The following GLIPR2 variants were observed in gnomAD, a reference collection of about 807,000 sequenced individuals.
The protein encoded by GLIPR2 is Golgi-associated plant pathogenesis-related protein 1.
A neutral mutation model predicts 20.4 loss-of-function variants in GLIPR2; 21 were observed. That is an observed-to-expected ratio of 1.03 (90% CI 0.73 to 1.48). The LOEUF (loss-of-function observed/expected upper bound fraction) is 1.48, where lower values mean the gene tolerates loss of function less well. GLIPR2 is among the 40% of genes most tolerant of loss of function. The pLI is 0.00. For synonymous variants in GLIPR2, 91 were observed against 80.5 expected, an observed-to-expected ratio of 1.13 and a Z score of -0.70; for missense variants, 205 against 200.1, an observed-to-expected ratio of 1.02 and a Z score of -0.15.
chr9:36,146,161 T>TGGCATC (rs1427890953), intron 1 of GLIPR2: 1 of 152,650 alleles, frequency 6.6e-6, no homozygotes, highest in Non-Finnish European at 1.5e-5. Context: ...AGCATGGCAT[T>TGGCATC]GGCATCTGGC....
Position 36,150,875 on chromosome 9 carries a change from A to G in GLIPR2, c.230A>G (p.Lys77Arg). 6.2e-7 allele frequency: 1 copy of G among 1,611,578 alleles called. No individual in the cohort carries two copies. The highest frequency in any genetic ancestry group is 8.5e-7 in the Non-Finnish European group (1 of 1,177,920). Reference protein sequence around the residue: ...LAWASYDQTGKEVADRWYSEI... With the variant: ...LAWASYDQTGREVADRWYSEI... ...GAACAATGTCATTTCCACACAGGAA[A>G]GGAGGTGGCTGATAGATGGTACAGT... is the stretch of plus-strand genomic sequence containing the variant. The change falls in exon 4 of 5, where the codon AAG (lysine) becomes AGG (arginine). Residue 77 changes from lysine to arginine, a missense_variant. Physicochemically the swap from Lys to Arg is conservative, Grantham distance 26 (BLOSUM62 2). Transcript: ENST00000377960.
intron 3 of GLIPR2, 122 bp from the exon 4 acceptor site, chr9:36,150,750 T>A: frequency 1.5e-6 from 1 of 688,476 alleles, no homozygotes; most frequent in Non-Finnish European, 2.6e-6. Context: ...GTCAGCTGAC[T>A]GGGGCTTTCT....
intron 1 of GLIPR2, among the ~76,000 whole-genome samples, chr9:36,139,083 AGGAT>A (rs1289102601): frequency 6.6e-6 from 1 of 152,038 alleles, no homozygotes; most frequent in Non-Finnish European, 1.5e-5. Flanking sequence ...GCTGGAGAGG[AGGAT>A]GGGATGGATT....
intron 1 of GLIPR2, chr9:36,141,976 G>T: frequency 4.8e-6 from 2 of 418,856 alleles, no homozygotes; most frequent in Non-Finnish European, 4.6e-6. Context: ...CCTCAGCCCT[G>T]GGGAGCCAGG....
intron 4 of GLIPR2, among the ~76,000 whole-genome samples, chr9:36,161,634 A>G (rs1015932222): frequency 6.6e-6 from 1 of 152,060 alleles, no homozygotes; most frequent in Non-Finnish European, 1.5e-5. Context: ...CATCCTAGAA[A>G]CCAAAAGGGG....
chr9:36,158,524 G>T (rs1357581129), intron 4 of GLIPR2, among the ~76,000 whole-genome samples: 1 of 151,994 alleles, frequency 6.6e-6, no homozygotes, highest in African/African-American at 2.4e-5. Context: ...TGTTTATTGA[G>T]CATCTACTAT....
At chr9:36,139,549 C>T (rs543957152) in intron 1 of GLIPR2, among the ~76,000 whole-genome samples, 75 of 152,276 alleles carry the variant, frequency 4.9e-4, no homozygotes, top group Non-Finnish European at 7.8e-4. Context: ...CAGCCCAGGG[C>T]TGCTGTCTGT....
At chr9:36,147,675 C>A in intron 1 of GLIPR2, 111 bp from the exon 2 acceptor site, 1 of 701,552 alleles carries the variant, frequency 1.4e-6, no homozygotes, top group Non-Finnish European at 2.7e-6. Context: ...GGAGCAGCAG[C>A]CTGTCCACAT....
chr9:36,148,783 C>T (rs1825453343), intron 3 of GLIPR2, 133 bp downstream of exon 3: 2 of 640,402 alleles, frequency 3.1e-6, no homozygotes, highest in African/African-American at 1.8e-5. Flanking sequence ...AACCAGAGCT[C>T]TCTGAATCTG....
At chr9:36,142,122 G>A (rs1197679431) in intron 1 of GLIPR2, among the ~76,000 whole-genome samples, 3 of 152,198 alleles carry the variant, frequency 2.0e-5, no homozygotes, top group Admixed American at 2.0e-4. Context: ...GCACAGAGGA[G>A]GCTCTTGAGA....
chr9:36,156,708 T>C (rs1825849954), intron 4 of GLIPR2, among the ~76,000 whole-genome samples: 1 of 152,300 alleles, frequency 6.6e-6, no homozygotes, highest in East Asian at 1.9e-4. Context: ...AGATCAGCAG[T>C]GGCGTTAGAT....
At chr9:36,149,668 G>T (rs1025438218) in intron 3 of GLIPR2, among the ~76,000 whole-genome samples, 1 of 152,218 alleles carries the variant, frequency 6.6e-6, no homozygotes, top group Non-Finnish European at 1.5e-5. Flanking sequence ...GAGGGGGTTG[G>T]GTAGGTGGTC....
At chr9:36,154,109 C>G (rs10972760) in intron 4 of GLIPR2, among the ~76,000 whole-genome samples, 1 of 146,710 alleles carries the variant, frequency 6.8e-6, no homozygotes, top group African/African-American at 2.5e-5. Flanking sequence ...TTTCCCCCCC[C>G]CTTTGAGACC....
At chr9:36,137,450 G>C (rs1587121493) in intron 1 of GLIPR2, among the ~76,000 whole-genome samples, 1 of 152,182 alleles carries the variant, frequency 6.6e-6, no homozygotes, top group South Asian at 2.1e-4. Flanking sequence ...CCCTACACTA[G>C]AGCTGTCCAG....
chr9:36,150,924 G>T lies in GLIPR2; in HGVS notation c.279G>T (p.Gln93His). The T allele has an allele frequency of 1.2e-6, 2 of 1,613,888 alleles. No individual in the cohort carries two copies. Among genetic ancestry groups the T allele is most frequent in the Non-Finnish European group, 1.7e-6 (2 of 1,179,790 alleles). ...WYSEIKNYNF[Q>H]QPGFTSGTGH... is the part of the protein sequence containing the mutation. ...GTGAAATCAAGAACTATAACTTCCA[G>T]CAGCCTGGCTTCACCTCGGGGACTG... Residue 93 changes from glutamine to histidine, a missense_variant, in exon 4 of 5, where the codon CAG becomes CAT. Physicochemically the swap from Gln to His is conservative, Grantham distance 24 (BLOSUM62 0). Coordinates refer to ENST00000377960, the MANE Select transcript of GLIPR2 (RefSeq NM_022343.4).
At position 36,147,845 on chromosome 9, in the gene GLIPR2, G is replaced by A. The variant is rs766726975; in HGVS notation, c.73G>A (p.Gly25Ser). The A allele has an allele frequency of 2.9e-5, 47 of 1,600,856 alleles. No individual in the cohort carries two copies. Among genetic ancestry groups the A allele is most frequent in the East Asian group, 4.5e-5 (2 of 44,832 alleles). ...CCACAATGAGTACCGGCAGAAGCAC[G>A]GCGTCCCCCCACTGAAGCTCTGCAA... Reference protein sequence around the residue: ...KAHNEYRQKHGVPPLKLCKNL... With the variant: ...KAHNEYRQKHSVPPLKLCKNL... Residue 25 changes from glycine to serine, a missense_variant, in exon 2 of 5, where the codon GGC becomes AGC. By Grantham distance (56) the Gly-to-Ser change is moderately conservative. Coordinates refer to ENST00000377960, the MANE Select transcript of GLIPR2 (RefSeq NM_022343.4).
At chr9:36,137,073 T>C (rs1160748474) in intron 1 of GLIPR2, among the ~76,000 whole-genome samples, 2 of 152,154 alleles carry the variant, frequency 1.3e-5, no homozygotes, top group Admixed American at 6.5e-5. Context: ...GCTTCTGCTT[T>C]GTTTCAGGAG....
At position 36,147,850 on chromosome 9, in the gene GLIPR2, C is replaced by A; in HGVS notation, c.78C>A (p.Val26=). ...AHNEYRQKHG[V]PPLKLCKNLN... ...ATGAGTACCGGCAGAAGCACGGCGT[C>A]CCCCCACTGAAGCTCTGCAAGAACC... Residue 26 remains valine, a synonymous_variant, in exon 2 of 5, where the codon GTC becomes GTA. Coordinates refer to ENST00000377960, the MANE Select transcript of GLIPR2 (RefSeq NM_022343.4). 1 of 1,596,408 alleles carries A rather than the reference C, an allele frequency of 6.3e-7. No individual in the cohort carries two copies. The highest frequency in any genetic ancestry group is 8.6e-7 in the Non-Finnish European group (1 of 1,163,982).
chr9:36,143,725 G>A (rs1341545014), intron 1 of GLIPR2, among the ~76,000 whole-genome samples: 1 of 152,172 alleles, frequency 6.6e-6, no homozygotes, highest in Non-Finnish European at 1.5e-5. Flanking sequence ...AAGGTCCTCT[G>A]ACTCTCAGGC....
Sources: gnomAD v4.1 joint callset for allele counts (sites outside exome capture counted in the v4.1 genomes callset) on GRCh38, gnomAD v4.1.1 for gene constraint, MANE v1.5 for transcripts, NCBI Gene and HGNC (gene_info 2026-07-23, HGNC 2026-07-21) for gene names.